ARHGEF18: variants seen among roughly 807,000 people sequenced by gnomAD.
ARHGEF18 encodes Rho/Rac guanine nucleotide exchange factor 18.
In ARHGEF18, 93 loss-of-function variants were observed where a neutral mutation model predicts 155.7. That is an observed-to-expected ratio of 0.60 (90% CI 0.50 to 0.71). The LOEUF (loss-of-function observed/expected upper bound fraction) is 0.71. Ranked by LOEUF, ARHGEF18 falls within the 30% of genes least tolerant of loss-of-function variation. The probability of loss-of-function intolerance (pLI) is 0.00; values close to 1 mark genes in which losing one functional copy is unlikely to be tolerated. For missense variants in ARHGEF18, 1,593 were observed against 1,816.1 expected, an observed-to-expected ratio of 0.88 and a Z score of 2.23; for synonymous variants, 742 against 753.1, an observed-to-expected ratio of 0.99 and a Z score of 0.24.
At chr19:7,469,789 G>A (rs1025804287) in intron 27 of ARHGEF18, 115 bp from the exon 28 acceptor site, 31 of 1,290,318 alleles carry the variant, frequency 2.4e-5, no homozygotes, top group Middle Eastern at 2.1e-4. Flanking sequence ...GATCCAGGCC[G>A]CCCGTGGGAA....
chr19:7,396,068 TC>T (rs1971691165), intron 10 of ARHGEF18, among the ~76,000 whole-genome samples: 1 of 152,162 alleles, frequency 6.6e-6, no homozygotes, highest in Non-Finnish European at 1.5e-5. Flanking sequence ...AAGGTTTAGC[TC>T]CACTTACAAG....
chr19:7,398,639 C>T (rs1166552798), intron 10 of ARHGEF18, among the ~76,000 whole-genome samples: 5 of 149,892 alleles, frequency 3.3e-5, no homozygotes, highest in Non-Finnish European at 5.9e-5. Flanking sequence ...TGCAGTGAGC[C>T]GAGATCACGC....
intron 10 of ARHGEF18, among the ~76,000 whole-genome samples, chr19:7,421,514 A>C (rs148805431): frequency 6.6e-6 from 1 of 152,084 alleles, no homozygotes; most frequent in African/African-American, 2.4e-5. Context: ...TAATCCCAGC[A>C]CTTTGGGAGG....
chr19:7,408,984 C>A (rs905153806), intron 10 of ARHGEF18, among the ~76,000 whole-genome samples: 11 of 151,618 alleles, frequency 7.3e-5, no homozygotes, highest in Non-Finnish European at 1.0e-4. Flanking sequence ...CGCTTGAGTC[C>A]AGGAGTTCGA....
chr19:7,392,240 C>CA (rs3997574), intron 10 of ARHGEF18, among the ~76,000 whole-genome samples: 9,962 of 71,570 alleles, frequency 0.14, 1,736 homozygotes, highest in African/African-American at 0.38. Flanking sequence ...GACTCCGTCT[C>CA]AAAAAAAAAA....
chr19:7,479,685 C>T, the ARHGEF18 span, among the ~76,000 whole-genome samples: 1 of 152,258 alleles, frequency 6.6e-6, no homozygotes, highest in Non-Finnish European at 1.5e-5. Context: ...AAGAATGCCG[C>T]AGCAGGCGGG....
chr19:7,442,337 A>T (rs1343985179), intron 13 of ARHGEF18, among the ~76,000 whole-genome samples: 2 of 151,686 alleles, frequency 1.3e-5, no homozygotes, highest in Non-Finnish European at 2.9e-5. Context: ...GGGCTCAAAC[A>T]ATCCTCCCAC....
chr19:7,445,033 G>T (rs1265569688), intron 14 of ARHGEF18, among the ~76,000 whole-genome samples: 1 of 152,182 alleles, frequency 6.6e-6, no homozygotes, highest in East Asian at 1.9e-4. Flanking sequence ...GAAACACAGA[G>T]ACCTAAATTA....
rs1176941304 is a variant in ARHGEF18 at position 7,395,316 on chromosome 19, G to T, written c.967+12113G>T. The T allele has an allele frequency of 1.0e-6, 1 of 985,498 alleles. No individual in the cohort carries two copies. The highest frequency in any genetic ancestry group is 1.1e-4 in the East Asian group (1 of 8,826). The allele number at this position is 985,498 out of a possible 1,614,324, so 61.0% of individuals were successfully genotyped here. ...GAGGGGGCCCTCGGTCTCTTCAGGGGGTGGCCTGGGGCGCGGGACCCCCGG... is the reference window on the plus strand; with the variant it reads ...GAGGGGGCCCTCGGTCTCTTCAGGGTGTGGCCTGGGGCGCGGGACCCCCGG... On this transcript the variant is annotated intron_variant, in intron 10 of 28. Coordinates refer to ENST00000668164, the MANE Select transcript of ARHGEF18 (RefSeq NM_001367823.1). The surrounding 1 kb of genome is among the most constrained non-coding windows in gnomAD (Gnocchi z 5.0).
At chr19:7,382,342 C>T (rs565266253) in intron 8 of ARHGEF18, among the ~76,000 whole-genome samples, 2 of 151,904 alleles carry the variant, frequency 1.3e-5, no homozygotes, top group African/African-American at 4.8e-5. Flanking sequence ...CTGCAGTGAG[C>T]CGAGATTGCA....
At chr19:7,361,554 A>C (rs972913033) in intron 1 of ARHGEF18, among the ~76,000 whole-genome samples, 3 of 152,218 alleles carry the variant, frequency 2.0e-5, no homozygotes, top group Non-Finnish European at 4.4e-5. Context: ...CATCCGTGCA[A>C]TTGCGTACAT....
chr19:7,367,536 C>T (rs1420307101), intron 2 of ARHGEF18, among the ~76,000 whole-genome samples: 3 of 151,766 alleles, frequency 2.0e-5, no homozygotes, highest in Admixed American at 2.0e-4. Context: ...CACCTGAGGT[C>T]AGGAGTTCGA....
intron 15 of ARHGEF18, among the ~76,000 whole-genome samples, chr19:7,450,221 C>T (rs1975280959): frequency 7.3e-6 from 1 of 136,472 alleles, no homozygotes. Context: ...CGGTATCTCG[C>T]TTTCTGTTTC....
chr19:7,382,466 C>T (rs1465524443), intron 8 of ARHGEF18, among the ~76,000 whole-genome samples: 1 of 150,892 alleles, frequency 6.6e-6, no homozygotes, highest in African/African-American at 2.4e-5. Context: ...GGGTGGGGGG[C>T]GTGAATTAGA....
chr19:7,462,475 C>A lies in ARHGEF18; in HGVS notation c.2635+141C>A. On this transcript the variant is annotated intron_variant, in intron 21 of 28. Transcript: ENST00000668164. The surrounding 1 kb of genome is among the most constrained non-coding windows in gnomAD (Gnocchi z 4.4). ...CTTCTATGTGGGGGGGGCCCAGGAG[C>A]AGCACTGACCGCCCCCCGGTGCCTG... 1 of 1,035,504 alleles carries A rather than the reference C, an allele frequency of 9.7e-7. No individual in the cohort carries two copies. Among genetic ancestry groups the A allele is most frequent in the Non-Finnish European group, 1.4e-6 (1 of 738,734 alleles). 64.1% of individuals were successfully genotyped at this position (1,035,504 alleles called of 1,614,324 possible).
At chr19:7,450,403 G>C (rs796727298) in intron 15 of ARHGEF18, among the ~76,000 whole-genome samples, 1 of 3,198 alleles carries the variant, frequency 3.1e-4, no homozygotes. Flanking sequence ...CTTGCTGTCC[G>C]TTTCCAAGAT....
chr19:7,438,678 T>C (rs1231508902), intron 10 of ARHGEF18, among the ~76,000 whole-genome samples: 2 of 152,282 alleles, frequency 1.3e-5, no homozygotes, highest in East Asian at 3.9e-4. Flanking sequence ...CCCAAAGTGC[T>C]GGGATTACAG....
chr19:7,370,339 C>T (rs1280446240), intron 2 of ARHGEF18, among the ~76,000 whole-genome samples: 1 of 151,666 alleles, frequency 6.6e-6, no homozygotes, highest in Non-Finnish European at 1.5e-5. Flanking sequence ...ACTAAAAATA[C>T]AAAAAAATTA....
At chr19:7,431,355 A>G (rs1271648756) in intron 10 of ARHGEF18, among the ~76,000 whole-genome samples, 1 of 151,804 alleles carries the variant, frequency 6.6e-6, no homozygotes, top group Non-Finnish European at 1.5e-5. Context: ...CGTCTCTACT[A>G]AAAATATAAA....
Sources: gnomAD v4.1 joint callset for allele counts (sites outside exome capture counted in the v4.1 genomes callset) on GRCh38, gnomAD v4.1.1 for gene constraint, Gnocchi (gnomAD v3.1) non-coding constraint, MANE v1.5 for transcripts, NCBI Gene and HGNC (gene_info 2026-07-23, HGNC 2026-07-21) for gene names.